The following ADCY10 variants were observed in gnomAD, a reference collection of about 807,000 sequenced individuals.
The protein encoded by ADCY10 is adenylate cyclase 10, also known as adenylate cyclase type 10.
Under a neutral mutation model 183.3 loss-of-function variants are expected in ADCY10, and 156 were observed. The observed-to-expected ratio is 0.85, with a 90% CI of 0.75 to 0.97. The LOEUF (loss-of-function observed/expected upper bound fraction) is 0.97, where lower values mean the gene tolerates loss of function less well. ADCY10 is among the 50% of genes least tolerant of loss of function. The pLI, the probability that ADCY10 is intolerant of heterozygous loss-of-function variation, is 0.00. For missense variants in ADCY10, 1,745 were observed against 1,934.3 expected (o/e 0.90, Z 1.84); for synonymous variants, 645 against 670.0 (o/e 0.96, Z 0.58).
chr1:167,815,240 T>C (rs1245242473), intron 31 of ADCY10, among the ~76,000 whole-genome samples: 1 of 152,076 alleles, frequency 6.6e-6, no homozygotes. Context: ...TCAGTAAATA[T>C]TGGAGGAAAA....
chr1:167,910,694 C>G (rs541224386), intron 1 of ADCY10, among the ~76,000 whole-genome samples: 73 of 152,246 alleles, frequency 4.8e-4, no homozygotes, highest in Non-Finnish European at 6.0e-4. Context: ...CAGTATGTTC[C>G]GTAGGCATGG....
chr1:167,868,059 A>G (rs1666829384), intron 14 of ADCY10, among the ~76,000 whole-genome samples: 1 of 152,194 alleles, frequency 6.6e-6, no homozygotes, highest in South Asian at 2.1e-4. Context: ...CCTAGAGTAA[A>G]TACCTTAGTA....
At chr1:167,887,552 G>A (rs928322309) in intron 8 of ADCY10, among the ~76,000 whole-genome samples, 1 of 152,048 alleles carries the variant, frequency 6.6e-6, no homozygotes. Context: ...TCGTGGGCTG[G>A]GGGGAAGGGG....
intron 18 of ADCY10, among the ~76,000 whole-genome samples, chr1:167,853,830 C>CAT (rs1224227856): frequency 9.1e-5 from 7 of 77,184 alleles, no homozygotes; most frequent in Non-Finnish European, 1.2e-4. Flanking sequence ...ACTATAGTTA[C>CAT]TTTTTTTTTT....
chr1:167,848,942 G>A (rs1455763435), intron 18 of ADCY10, among the ~76,000 whole-genome samples: 2 of 152,026 alleles, frequency 1.3e-5, no homozygotes, highest in African/African-American at 4.8e-5. Flanking sequence ...GCACCAGGCC[G>A]CTGGAAACCT....
chr1:167,861,042 A>G lies in ADCY10; in HGVS notation c.1638T>C (p.Asn546=), dbSNP rs1478615064. Residue 546 remains asparagine, a synonymous_variant, in exon 15 of 33, where the codon AAT becomes AAC. Coordinates refer to ENST00000367851, the MANE Select transcript of ADCY10 (RefSeq NM_018417.6). ...KNHRIIAISL[N]KISFHQTFYT... is the part of the protein sequence containing the mutation. ...AGAAAGTTTGATGGAAGCTGATCTTATTCAATGAAATGGCAATAATCCTGT... is the reference window on the plus strand; with the variant it reads ...AGAAAGTTTGATGGAAGCTGATCTTGTTCAATGAAATGGCAATAATCCTGT... The G allele has an allele frequency of 5.0e-6, 8 of 1,614,110 alleles. No homozygotes were observed. In the South Asian group the frequency reaches 8.8e-5, roughly 18 times the overall value.
At chr1:167,835,768 C>T (rs1409863378) in intron 23 of ADCY10, among the ~76,000 whole-genome samples, 1 of 152,130 alleles carries the variant, frequency 6.6e-6, no homozygotes, top group Admixed American at 6.5e-5. Flanking sequence ...CATACGTCTG[C>T]AGTCCCAGCT....
At chr1:167,833,854 A>T in intron 24 of ADCY10, 116 bp downstream of exon 24, 1 of 821,130 alleles carries the variant, frequency 1.2e-6, no homozygotes, top group Non-Finnish European at 2.0e-6. Context: ...AGTCTTGGCT[A>T]GAAGTCTGTG....
rs75050932 is a variant in ADCY10 at position 167,821,747 on chromosome 1, A to G, written c.4286+277T>C. On this transcript the variant is annotated intron_variant, in intron 30 of 32. Transcript: ENST00000367851. ...CCCCAGCACCCCTCTGAAGAAAGCA[A>G]TCTTTTCTTATTTATCCCTGTATCA... Among the ~76,000 whole-genome samples the G allele has an allele frequency of 6.2e-3, 937 of 152,328 alleles. 4 individuals carry two copies. The highest frequency in any genetic ancestry group is 0.01 in the Middle Eastern group (3 of 294).
chr1:167,865,009 A>G (rs1666583333), intron 14 of ADCY10, among the ~76,000 whole-genome samples: 1 of 152,208 alleles, frequency 6.6e-6, no homozygotes, highest in African/African-American at 2.4e-5. Context: ...AATATTTGTA[A>G]TAAGTCAGAA....
In ADCY10 at chr1:167,885,668, G is replaced by A. The variant is rs1668170705; in HGVS notation, c.829-2040C>T. 2.0e-5 allele frequency among the ~76,000 whole-genome samples: 3 copies of A among 152,056 alleles called. No individual in the cohort carries two copies. In the South Asian group the frequency reaches 6.2e-4, roughly 31 times the overall value. ...GTCTCACTCTGTCACCTGGGCTGGA[G>A]TGCAGTGGCACATCTCATCTCACTG... is the stretch of plus-strand genomic sequence containing the variant. On this transcript the variant is annotated intron_variant, in intron 8 of 32. Coordinates refer to ENST00000367851, the MANE Select transcript of ADCY10 (RefSeq NM_018417.6).
intron 7 of ADCY10, among the ~76,000 whole-genome samples, chr1:167,894,966 T>G (rs1341762064): frequency 6.6e-6 from 1 of 152,004 alleles, no homozygotes; most frequent in East Asian, 1.9e-4. Flanking sequence ...AGGCGGATCA[T>G]GAGGTCAAGA....
chr1:167,899,532 G>A lies in ADCY10; in HGVS notation c.533C>T (p.Ala178Val). The A allele has an allele frequency of 6.2e-7, 1 of 1,614,172 alleles. No homozygotes were observed. Residue 178 changes from alanine (A) to valine (V), a missense_variant, in exon 6 of 33, where the codon GCC (alanine) becomes GTC (valine). Ala to Val is a moderately conservative substitution (Grantham distance 64, BLOSUM62 0). Transcript: ENST00000367851. ...IGQAVDDVRL[A>V]QNMAQMNDVI... ...ATCATTCATCTGAGCCATGTTCTGG[G>A]CAAGGCGCACATCGTCCACTGCCTG...
chr1:167,842,713 T>C (rs571217471), intron 21 of ADCY10, among the ~76,000 whole-genome samples: 2 of 152,270 alleles, frequency 1.3e-5, no homozygotes, highest in South Asian at 4.1e-4. Flanking sequence ...TGTAAACACT[T>C]CATTGGCTTA....
rs937178179 is a variant in ADCY10, at chr1:167,901,879, A to G, written c.293-74T>C. The G allele has an allele frequency of 5.0e-6, 8 of 1,611,878 alleles. No homozygotes were observed. In the African/African-American group the frequency reaches 1.1e-4, roughly 22 times the overall value. On this transcript the variant is annotated intron_variant, in intron 4 of 32. Transcript: ENST00000367851. The stretch of plus-strand genomic sequence containing the variant: ...TCTATTTTGTATGAGATCTGTATAG[A>G]AACTTACTCATCAAGCATTCCTCAG...
intron 26 of ADCY10, among the ~76,000 whole-genome samples, chr1:167,826,001 G>A (rs1269298576): frequency 6.6e-6 from 1 of 152,126 alleles, no homozygotes; most frequent in East Asian, 1.9e-4. Flanking sequence ...GAAAAATAAA[G>A]TATCTCTAGT....
intron 31 of ADCY10, among the ~76,000 whole-genome samples, chr1:167,817,436 G>A (rs1247725754): frequency 6.6e-6 from 1 of 152,178 alleles, no homozygotes; most frequent in Non-Finnish European, 1.5e-5. Flanking sequence ...TAGTACACCT[G>A]TGCTCAGTGT....
chr1:167,836,579 G>A (rs750036288), intron 22 of ADCY10, 39 bp from the exon 23 acceptor site: 8 of 1,373,494 alleles, frequency 5.8e-6, no homozygotes, highest in Non-Finnish European at 8.3e-6. Flanking sequence ...AACTTATACA[G>A]TATCACTTTT....
chr1:167,896,783 T>C, intron 6 of ADCY10, 92 bp from the exon 7 acceptor site: 3 of 887,712 alleles, frequency 3.4e-6, no homozygotes, highest in Middle Eastern at 3.4e-4. Context: ...AGTATGCTTT[T>C]GACTGAACAG....
Sources: gnomAD v4.1 joint callset for allele counts (sites outside exome capture counted in the v4.1 genomes callset) on GRCh38, gnomAD v4.1.1 for gene constraint, MANE v1.5 for transcripts, NCBI Gene and HGNC (gene_info 2026-07-23, HGNC 2026-07-21) for gene names.